Variants in SUFU observed in about 807,000 individuals in gnomAD.
SUFU encodes SUFU negative regulator of hedgehog signaling, also known as suppressor of fused homolog.
SUFU carries 7 observed loss-of-function variants against 58.9 expected under a neutral mutation model. The ratio of observed to expected loss-of-function variants is 0.12; its 90% CI spans 0.07 to 0.22. The LOEUF is 0.22. Ranked by LOEUF, SUFU falls within the 10% of genes least tolerant of loss-of-function variation. The pLI is 1.00. For missense variants in SUFU, 451 were observed against 641.3 expected, an observed-to-expected ratio of 0.70 and a Z score of 3.20; for synonymous variants, 232 against 254.8, an observed-to-expected ratio of 0.91 and a Z score of 0.85.
chr10:102,582,744 A>C (rs746552), intron 3 of SUFU, among the ~76,000 whole-genome samples: 1 of 151,990 alleles, frequency 6.6e-6, no homozygotes, highest in African/African-American at 2.4e-5. Flanking sequence ...TTGCCAAACA[A>C]CATAAAAGTC....
chr10:102,545,744 C>G (rs114870238), intron 2 of SUFU, among the ~76,000 whole-genome samples: 18 of 152,196 alleles, frequency 1.2e-4, no homozygotes, highest in African/African-American at 3.1e-4. Flanking sequence ...GAGGTAGAGG[C>G]GGGCAGATCA....
At position 102,535,930 on chromosome 10, in the gene SUFU, AGATGATGATGAT is replaced by A. The variant is rs36203045; in HGVS notation, c.318-14011_318-14000del. On this transcript the variant is annotated intron_variant, in intron 2 of 11. Transcript: ENST00000369902. ...TTGTGGGGTTTATAGTCTAGGCTGG[AGATGATGATGAT>A]GATGATGATGATGATGATGATGATG... Among the ~76,000 whole-genome samples the A allele has an allele frequency of 4.9e-3, 731 of 148,826 alleles. 9 individuals are homozygous for A. The highest frequency in any genetic ancestry group is 0.016 in the African/African-American group (660 of 40,328).
In SUFU at chr10:102,509,278, C is replaced by T; in HGVS notation, c.292C>T (p.Leu98Phe). The T allele has an allele frequency of 6.2e-7, 1 of 1,614,170 alleles. No individual in the cohort carries two copies. Among genetic ancestry groups the T allele is most frequent in the Non-Finnish European group, 8.5e-7 (1 of 1,180,038 alleles). The change falls in exon 2 of 12, where the codon CTC (leucine) becomes TTC (phenylalanine). Residue 98 changes from leucine (L) to phenylalanine (F), a missense_variant. Transcript: ENST00000369902. ...WHYISFGLSDLYGDNRVHEFT... is the reference protein window; with the variant it reads ...WHYISFGLSDFYGDNRVHEFT... ...CTACATCAGCTTCGGCCTGAGTGAT[C>T]TCTATGGTGACAACAGAGTCCATGA...
intron 2 of SUFU, among the ~76,000 whole-genome samples, chr10:102,521,089 G>C (rs1055292182): frequency 6.6e-6 from 1 of 152,254 alleles, no homozygotes; most frequent in South Asian, 2.1e-4. Context: ...ATTCCCACTA[G>C]CAATGAATGA....
At chr10:102,521,766 T>G in intron 2 of SUFU, among the ~76,000 whole-genome samples, 1 of 152,152 alleles carries the variant, frequency 6.6e-6, no homozygotes, top group East Asian at 1.9e-4. Context: ...GAAGACAAAG[T>G]CTAAAACTTT....
At chr10:102,508,095 A>G (rs2062352900) in intron 1 of SUFU, among the ~76,000 whole-genome samples, 1 of 151,064 alleles carries the variant, frequency 6.6e-6, no homozygotes, top group South Asian at 2.1e-4. Context: ...CCTCTCAAAT[A>G]GCAAATAGCT....
chr10:102,587,641 A>G (rs2063348021), intron 3 of SUFU, among the ~76,000 whole-genome samples: 1 of 151,950 alleles, frequency 6.6e-6, no homozygotes, highest in Non-Finnish European at 1.5e-5. Context: ...ACAGGTGCCC[A>G]CCACTACGCC....
chr10:102,627,223 G>A lies in SUFU; in HGVS notation c.1345G>A (p.Asp449Asn). 6.2e-7 allele frequency: 1 copy of A among 1,614,256 alleles called. No individual in the cohort carries two copies. Among genetic ancestry groups the A allele is most frequent in the Non-Finnish European group, 8.5e-7 (1 of 1,180,040 alleles). Residue 449 changes from aspartate to asparagine, a missense_variant, in exon 11 of 12, where the codon GAT (aspartate) becomes AAT (asparagine). Transcript: ENST00000369902. ...FVEKMLEDLE[D>N]LTSPEEFKLP... ...AGAGAAAATGTTGGAGGATTTAGAA[G>A]ATTTGACTTCTCCAGAGGAAGTAAG...
chr10:102,579,220 G>C (rs1472292269), intron 3 of SUFU, among the ~76,000 whole-genome samples: 3 of 152,242 alleles, frequency 2.0e-5, no homozygotes, highest in African/African-American at 7.2e-5. Flanking sequence ...TCTGTGGGCA[G>C]TCAGGGTCCT....
chr10:102,615,823 C>A (rs1050220381), intron 9 of SUFU, among the ~76,000 whole-genome samples: 3 of 152,200 alleles, frequency 2.0e-5, no homozygotes, highest in African/African-American at 7.2e-5. Context: ...GTCCCCAATG[C>A]GCCCAGCACT....
In SUFU at chr10:102,599,454, C is replaced by A. The variant is rs1270751140; in HGVS notation, c.932C>A (p.Thr311Asn). 6.2e-7 allele frequency: 1 copy of A among 1,614,094 alleles called. No homozygotes were observed. Among genetic ancestry groups the A allele is most frequent in the South Asian group, 1.1e-5 (1 of 91,086 alleles). The part of the protein sequence containing the change: ...SGKDTEQIRE[T>N]LRRGLEINSK... The stretch of plus-strand genomic sequence containing the variant: ...GCAGACACAGAGCAGATCCGGGAGA[C>A]CCTGAGGAGAGGACTCGAGATCAAC... Residue 311 changes from threonine (T) to asparagine (N), a missense_variant, in exon 8 of 12, where the codon ACC (threonine) becomes AAC (asparagine). Physicochemically the swap from Thr to Asn is moderately conservative, Grantham distance 65. Transcript: ENST00000369902.
chr10:102,591,884 A>T (rs936486570), intron 3 of SUFU, among the ~76,000 whole-genome samples: 3 of 152,184 alleles, frequency 2.0e-5, no homozygotes, highest in Admixed American at 2.0e-4. Context: ...TGCAGTGGTG[A>T]GCCTGTGTGT....
intron 3 of SUFU, among the ~76,000 whole-genome samples, chr10:102,557,744 A>G (rs2062996251): frequency 6.6e-6 from 1 of 152,130 alleles, no homozygotes; most frequent in Non-Finnish European, 1.5e-5. Flanking sequence ...GACTATAGCT[A>G]TGACTCTCTG....
chr10:102,518,613 C>T (rs938957971), intron 2 of SUFU, among the ~76,000 whole-genome samples: 4 of 151,942 alleles, frequency 2.6e-5, no homozygotes, highest in Non-Finnish European at 5.9e-5. Flanking sequence ...CTGGCTCCAT[C>T]TTGGCTCACT....
chr10:102,515,166 GTTC>G (rs1411621334), intron 2 of SUFU, among the ~76,000 whole-genome samples: 2 of 152,158 alleles, frequency 1.3e-5, no homozygotes, highest in African/African-American at 2.4e-5. Context: ...TTTCCCTTGT[GTTC>G]TTCTTAGCTG....
chr10:102,562,525 AAACAAC>A (rs753014326), intron 3 of SUFU, among the ~76,000 whole-genome samples: 27 of 151,738 alleles, frequency 1.8e-4, no homozygotes, highest in East Asian at 5.8e-4. Context: ...TCTGTCTCAA[AAACAAC>A]AACAACAACA....
chr10:102,529,276 A>G (rs2062649189), intron 2 of SUFU, among the ~76,000 whole-genome samples: 1 of 152,162 alleles, frequency 6.6e-6, no homozygotes, highest in Non-Finnish European at 1.5e-5. Context: ...TGTGACTCAA[A>G]GCATCTCACA....
At chr10:102,598,951 A>G (rs1414725994) in intron 7 of SUFU, among the ~76,000 whole-genome samples, 1 of 152,134 alleles carries the variant, frequency 6.6e-6, no homozygotes, top group African/African-American at 2.4e-5. Context: ...TTAGCATCTC[A>G]CTGACTTGAA....
chr10:102,533,922 CTCT>C (rs147344606), intron 2 of SUFU, among the ~76,000 whole-genome samples: 7,078 of 152,276 alleles, frequency 0.046, 538 homozygotes, highest in African/African-American at 0.16. Context: ...CACAGTGGTG[CTCT>C]TCTTCAAGCT....
Sources: gnomAD v4.1 joint callset for allele counts (sites outside exome capture counted in the v4.1 genomes callset) on GRCh38, gnomAD v4.1.1 for gene constraint, MANE v1.5 for transcripts, NCBI Gene and HGNC (gene_info 2026-07-23, HGNC 2026-07-21) for gene names.